ORMDL3: variants seen among roughly 807,000 people sequenced by gnomAD.
The protein encoded by ORMDL3 is ORMDL sphingolipid biosynthesis regulator 3, also known as ORM1-like protein 3.
A neutral mutation model predicts 12.6 loss-of-function variants in ORMDL3; 6 were observed. The observed-to-expected ratio is 0.48, with a 90% CI of 0.26 to 0.94. The LOEUF is 0.94. Among genes scored for constraint, ORMDL3 ranks in the 40% least tolerant of loss-of-function variants. The pLI is 0.14. For synonymous variants in ORMDL3, 99 were observed against 87.2 expected, an observed-to-expected ratio of 1.14 and a Z score of -0.75; for missense variants, 159 against 205.5, an observed-to-expected ratio of 0.77 and a Z score of 1.38.
chr17:39,924,291 C>G lies in ORMDL3; in HGVS notation c.-22-66G>C. 14 of 1,460,112 alleles carry G rather than the reference C, an allele frequency of 9.6e-6. No individual in the cohort carries two copies. In the South Asian group the frequency reaches 1.8e-4, roughly 19 times the overall value. 90.4% of individuals were successfully genotyped at this position (1,460,112 alleles called of 1,614,324 possible). A position where few individuals can be genotyped will look rare whatever the true frequency, so the allele number is the denominator to read the frequency against. ...TCCCTGCCCCCTCTCACCCTCGGATCCCGCTGGGAGGCAGGCCCTTGTTTC... is the reference window on the plus strand; with the variant it reads ...TCCCTGCCCCCTCTCACCCTCGGATGCCGCTGGGAGGCAGGCCCTTGTTTC... On this transcript the variant is annotated intron_variant, in intron 1 of 3. Transcript: ENST00000304046.
Position 39,923,125 on chromosome 17 carries a change from T to C in ORMDL3, c.313A>G (p.Thr105Ala). Residue 105 changes from threonine (T) to alanine (A), a missense_variant, in exon 3 of 4, where the codon ACA becomes GCA. Coordinates refer to ENST00000304046, the MANE Select transcript of ORMDL3 (RefSeq NM_139280.4). ...CCAGGCACTCACAGCACGATGGGTG[T>C]GATGGTCAAGAACTTCCGAGAGGCC... is the stretch of plus-strand genomic sequence containing the variant. ...FTASRKFLTI[T>A]PIVLYFLTSF... The C allele has an allele frequency of 6.2e-7, 1 of 1,614,124 alleles. No individual in the cohort carries two copies. Among genetic ancestry groups the C allele is most frequent in the South Asian group, 1.1e-5 (1 of 91,082 alleles).
intron 2 of ORMDL3, 106 bp from the exon 3 acceptor site, chr17:39,923,369 C>T: frequency 2.3e-6 from 3 of 1,323,856 alleles, no homozygotes; most frequent in South Asian, 2.6e-5. Context: ...CTGGAGCCTC[C>T]CTCTGCTGGG....
Position 39,923,958 on chromosome 17 carries a change from C to A in ORMDL3, c.174+72G>T, listed in dbSNP as rs948256868. 117 of 1,438,572 alleles carry A rather than the reference C, an allele frequency of 8.1e-5. No homozygotes were observed. In the South Asian group the frequency reaches 1.6e-3, roughly 20 times the overall value. The allele number at this position is 1,438,572 out of a possible 1,614,324, so 89.1% of individuals were successfully genotyped here. A position where few individuals can be genotyped will look rare whatever the true frequency, so the allele number is the denominator to read the frequency against. ...GCCAGGCCCGACAGGCTCCTCCTATCCCTCAGCCCTGCCAAAGGGCAGCCC... is the reference window on the plus strand; with the variant it reads ...GCCAGGCCCGACAGGCTCCTCCTATACCTCAGCCCTGCCAAAGGGCAGCCC... On this transcript the variant is annotated intron_variant, in intron 2 of 3. Transcript: ENST00000304046.
At chr17:39,927,352 G>C in intron 1 of ORMDL3, 132 bp downstream of exon 1, 2 of 609,308 alleles carry the variant, frequency 3.3e-6, no homozygotes, top group Non-Finnish European at 4.1e-6. Context: ...CACCCCCTCG[G>C]CTGATGCACT....
chr17:39,925,847 C>G (rs945633685), intron 1 of ORMDL3: 2 of 152,202 alleles, frequency 1.3e-5, no homozygotes, highest in African/African-American at 4.8e-5. Context: ...GATAATTGAG[C>G]CTAACAGAAA....
chr17:39,922,692 G>C lies in ORMDL3; in HGVS notation c.327-7C>G, dbSNP rs1249165168. On this transcript the variant is annotated splice_polypyrimidine_tract_variant and splice_region_variant and intron_variant, in intron 3 of 3. Coordinates refer to ENST00000304046, the MANE Select transcript of ORMDL3 (RefSeq NM_139280.4). Reference sequence around the variant, plus strand: ...GAAGCTGGTGAGGAAGTACCTGGGAGGGGAAGGGTGGGGAGAGATATAAAA... The same window carrying C: ...GAAGCTGGTGAGGAAGTACCTGGGACGGGAAGGGTGGGGAGAGATATAAAA... 1 of 1,613,420 alleles carries C rather than the reference G, an allele frequency of 6.2e-7. No homozygotes were observed. Among genetic ancestry groups the C allele is most frequent in the Admixed American group, 1.7e-5 (1 of 59,966 alleles).
In ORMDL3 at chr17:39,927,573, G is replaced by C; in HGVS notation, c.-112C>G. 2 of 985,672 alleles carry C rather than the reference G, an allele frequency of 2.0e-6. No individual in the cohort carries two copies. Among genetic ancestry groups the C allele is most frequent in the Non-Finnish European group, 2.4e-6 (2 of 830,090 alleles). The allele number at this position is 985,672 out of a possible 1,614,324, so 61.1% of individuals were successfully genotyped here. A position where few individuals can be genotyped will look rare whatever the true frequency, so the allele number is the denominator to read the frequency against. ...GCAGCTGTAACAACCCGCGGCTGCA[G>C]CCTCCCCGCTGGCAGCTCCGGCCGA... is the stretch of plus-strand genomic sequence containing the variant. On this transcript the variant is annotated 5_prime_UTR_variant, in exon 1 of 4. Coordinates refer to ENST00000304046, the MANE Select transcript of ORMDL3 (RefSeq NM_139280.4).
intron 1 of ORMDL3, chr17:39,925,228 C>G (rs150097973): frequency 6.5e-6 from 1 of 152,686 alleles, no homozygotes. Context: ...CCTTCCCCTG[C>G]CCAGCACCAA....
chr17:39,922,565 TC>T lies in ORMDL3; in HGVS notation c.446del (p.Gly149GlufsTer22). 6.2e-7 allele frequency: 1 copy of T among 1,614,074 alleles called. No individual in the cohort carries two copies. The highest frequency in any genetic ancestry group is 8.5e-7 in the Non-Finnish European group (1 of 1,179,968). ...LPQLHGVRIF[G>X]INKY ...GGCTGCACTCTCAGTACTTATTGAT[TC>T]CAAAAATCCGGACTCCGTGGAGCTG... On this transcript the variant is annotated frameshift_variant, in exon 4 of 4. Coordinates refer to ENST00000304046, the MANE Select transcript of ORMDL3 (RefSeq NM_139280.4). LOFTEE classifies it high-confidence loss of function.
intron 2 of ORMDL3, among the ~76,000 whole-genome samples, chr17:39,923,466 G>T (rs1003753210): frequency 2.6e-5 from 4 of 152,058 alleles, no homozygotes; most frequent in Non-Finnish European, 5.9e-5. Context: ...GACGGGCTAG[G>T]CCTGGCATGA....
At chr17:39,924,394 A>G (rs1405120902) in intron 1 of ORMDL3, among the ~76,000 whole-genome samples, 169 bp from the exon 2 acceptor site, 2 of 152,078 alleles carry the variant, frequency 1.3e-5, no homozygotes, top group Non-Finnish European at 1.5e-5. Flanking sequence ...ACTTAGCTCT[A>G]CTCATTTCCT....
intron 1 of ORMDL3, chr17:39,924,713 C>G (rs748964815): frequency 2.6e-5 from 4 of 153,694 alleles, no homozygotes; most frequent in Non-Finnish European, 2.9e-5. Flanking sequence ...TGGGTACAGG[C>G]AGCAGTGGAT....
chr17:39,923,192 C>G lies in ORMDL3; in HGVS notation c.246G>C (p.Leu82=), dbSNP rs769807472. ...AATCCATCTGCTCCCAGTGGGTTAG[C>G]AGCCTCGCCTTGCCCTGGTCCGGGG... ...FETPDQGKAR[L]LTHWEQMDYG... The change falls in exon 3 of 4, where the codon CTG becomes CTC. Residue 82 remains leucine, a synonymous_variant. Coordinates refer to ENST00000304046, the MANE Select transcript of ORMDL3 (RefSeq NM_139280.4). 9.9e-6 allele frequency: 16 copies of G among 1,614,120 alleles called. No individual in the cohort carries two copies. In the Middle Eastern group the frequency reaches 1.3e-3, roughly 133 times the overall value.
Position 39,924,137 on chromosome 17 carries a change from A to G in ORMDL3, c.67T>C (p.Trp23Arg). The G allele has an allele frequency of 6.2e-7, 1 of 1,614,150 alleles. No homozygotes were observed. Among genetic ancestry groups the G allele is most frequent in the Non-Finnish European group, 8.5e-7 (1 of 1,179,988 alleles). Residue 23 changes from tryptophan to arginine, a missense_variant, in exon 2 of 4, where the codon TGG (tryptophan) becomes CGG (arginine). Physicochemically the swap from Trp to Arg is moderately radical, Grantham distance 101. Transcript: ENST00000304046. ...CCGATGGCCAGCACGTAGGAGAGCC[A>G]GATGCCACGGCTGTTCATCACCCGC... ...NTRVMNSRGI[W>R]LSYVLAIGLL...
chr17:39,923,448 C>G (rs1037566896), intron 2 of ORMDL3, among the ~76,000 whole-genome samples, 185 bp from the exon 3 acceptor site: 3 of 151,942 alleles, frequency 2.0e-5, no homozygotes, highest in African/African-American at 7.3e-5. Context: ...CAAGGGGACT[C>G]CCTGGGGGAC....
intron 2 of ORMDL3, 43 bp from the exon 3 acceptor site, chr17:39,923,306 C>T: frequency 1.0e-5 from 16 of 1,599,880 alleles, no homozygotes; most frequent in Non-Finnish European, 1.4e-5. Context: ...AAGGGAAAGG[C>T]CCCCCTGCCC....
chr17:39,923,240 C>T lies in ORMDL3; in HGVS notation c.198G>A (p.Thr66=), dbSNP rs961079854. The T allele has an allele frequency of 7.4e-6, 12 of 1,614,048 alleles. No individual in the cohort carries two copies. Among genetic ancestry groups the T allele is most frequent in the South Asian group, 3.3e-5 (3 of 91,086 alleles). The stretch of plus-strand genomic sequence containing the variant: ...GGGTCTCAAAGGGTGTCCCCTTCAC[C>T]GTGTGCAGGAAGATATACATGCCCT... ...HNMGMYIFLH[T]VKGTPFETPD... Residue 66 remains threonine, a synonymous_variant, in exon 3 of 4, where the codon ACG becomes ACA. Transcript: ENST00000304046.
In ORMDL3 at chr17:39,922,593, G is replaced by A; in HGVS notation, c.419C>T (p.Pro140Leu). ...SLMSVLIPKL[P>L]QLHGVRIFGI... ...AAAAATCCGGACTCCGTGGAGCTGG[G>A]GCAGCTTGGGGATAAGCACGCTCAT... is the stretch of plus-strand genomic sequence containing the variant. The change falls in exon 4 of 4, where the codon CCC becomes CTC. Residue 140 changes from proline to leucine, a missense_variant. By Grantham distance (98) the Pro-to-Leu change is moderately conservative. Transcript: ENST00000304046. 1 of 1,614,166 alleles carries A rather than the reference G, an allele frequency of 6.2e-7. No individual in the cohort carries two copies. Among genetic ancestry groups the A allele is most frequent in the Non-Finnish European group, 8.5e-7 (1 of 1,180,020 alleles).
Position 39,922,446 on chromosome 17 carries a change from C to T in ORMDL3, c.*104G>A. ...TAGGCCAGAGGCTCAACCCCCATCT[C>T]TGGCAGTGTCCAGAGGCTTCTTCTT... On this transcript the variant is annotated 3_prime_UTR_variant, in exon 4 of 4. Coordinates refer to ENST00000304046, the MANE Select transcript of ORMDL3 (RefSeq NM_139280.4). 2.9e-6 allele frequency: 4 copies of T among 1,364,792 alleles called. No homozygotes were observed. The highest frequency in any genetic ancestry group is 3.9e-6 in the Non-Finnish European group (4 of 1,012,784). 84.5% of individuals were successfully genotyped at this position (1,364,792 alleles called of 1,614,324 possible).
Sources: allele counts gnomAD v4.1 joint callset (sites outside exome capture counted in the v4.1 genomes callset), GRCh38; gene constraint gnomAD v4.1.1; transcripts MANE v1.5; gene names NCBI Gene and HGNC (gene_info 2026-07-23, HGNC 2026-07-21).